MALRD1: variants seen among roughly 807,000 people sequenced by gnomAD.
The protein encoded by MALRD1 is MAM and LDL receptor class A domain containing 1.
Under a neutral mutation model 242.1 loss-of-function variants are expected in MALRD1, and 247 were observed. The observed-to-expected ratio is 1.02, with a 90% CI of 0.92 to 1.13. The LOEUF (loss-of-function observed/expected upper bound fraction) is 1.13. Ranked by LOEUF, MALRD1 falls within the 50% of genes most tolerant of loss-of-function variation. MALRD1 has a pLI of 0.00. For synonymous variants in MALRD1, 995 were observed against 866.6 expected, an observed-to-expected ratio of 1.15 and a Z score of -2.60; for missense variants, 2,989 against 2,533.1, an observed-to-expected ratio of 1.18 and a Z score of -3.86.
At chr10:19,424,716 G>A (rs891587146) in intron 28 of MALRD1, among the ~76,000 whole-genome samples, 1 of 152,096 alleles carries the variant, frequency 6.6e-6, no homozygotes, top group African/African-American at 2.4e-5. Context: ...ATTGTGTTTG[G>A]TGGTAAGAAA....
intron 4 of MALRD1, among the ~76,000 whole-genome samples, chr10:19,098,669 A>G (rs540210571): frequency 1.4e-4 from 21 of 152,144 alleles, no homozygotes; most frequent in South Asian, 4.1e-4. Context: ...TAATGTTTAT[A>G]CTCACTCTGA....
intron 29 of MALRD1, among the ~76,000 whole-genome samples, chr10:19,454,422 ATATATATAT>A (rs1564356585): frequency 4.3e-5 from 6 of 140,586 alleles, no homozygotes; most frequent in Non-Finnish European, 7.7e-5. Context: ...ATATATATAT[ATATATATAT>A]AATTATATGA....
At chr10:19,204,168 AAG>A in intron 15 of MALRD1, 138 bp from the exon 16 acceptor site, 1 of 674,190 alleles carries the variant, frequency 1.5e-6, no homozygotes, top group Non-Finnish European at 2.5e-6. Context: ...AAATTTGACT[AAG>A]AGTCACTGAT....
At chr10:19,271,419 T>C (rs1840234354) in intron 19 of MALRD1, among the ~76,000 whole-genome samples, 1 of 152,192 alleles carries the variant, frequency 6.6e-6, no homozygotes, top group East Asian at 1.9e-4. Context: ...TACCATTTTA[T>C]TTAAAAAGGA....
At chr10:19,552,519 G>T (rs1448842092) in intron 32 of MALRD1, among the ~76,000 whole-genome samples, 13 of 151,616 alleles carry the variant, frequency 8.6e-5, no homozygotes, top group Admixed American at 6.6e-4. Context: ...TTTTCAGAGT[G>T]CCAGCGCCTG....
In MALRD1 at chr10:19,123,518, T is replaced by C. The variant is rs557426888; in HGVS notation, c.721T>C (p.Leu241=). 1.5e-4 allele frequency: 188 copies of C among 1,233,764 alleles called. No individual in the cohort carries two copies. Among genetic ancestry groups the C allele is most frequent in the Non-Finnish European group, 1.8e-4 (178 of 988,004 alleles). The allele number at this position is 1,233,764 out of a possible 1,614,324, so 76.4% of individuals were successfully genotyped here. A position where few individuals can be genotyped will look rare whatever the true frequency, so the allele number is the denominator to read the frequency against. ...NDGILLCQEA[L]NAERELCHPD... ...TGGAATTTTACTGTGTCAAGAAGCA[T>C]TGAATGCTGAGCGGGAGCTATGCCA... Residue 241 remains leucine (L), a synonymous_variant, in exon 6 of 40, where the codon TTG becomes CTG. Transcript: ENST00000454679.
chr10:19,583,593 A>C (rs1475867434), intron 33 of MALRD1, among the ~76,000 whole-genome samples: 1 of 152,000 alleles, frequency 6.6e-6, no homozygotes, highest in African/African-American at 2.4e-5. Flanking sequence ...CATGGTGGAT[A>C]AGCTTTTCGA....
intron 28 of MALRD1, among the ~76,000 whole-genome samples, chr10:19,437,621 AT>A (rs1400808667): frequency 6.6e-6 from 1 of 151,714 alleles, no homozygotes; most frequent in Non-Finnish European, 1.5e-5. Context: ...CACAATATTC[AT>A]TTTTTGCATT....
intron 28 of MALRD1, among the ~76,000 whole-genome samples, chr10:19,399,340 G>A (rs1246577663): frequency 6.6e-6 from 1 of 152,054 alleles, no homozygotes; most frequent in Non-Finnish European, 1.5e-5. Context: ...TTTTTCTAGG[G>A]CATTGCTTGA....
chr10:19,652,792 G>A (rs1039444912), intron 36 of MALRD1, among the ~76,000 whole-genome samples: 1 of 152,118 alleles, frequency 6.6e-6, no homozygotes, highest in Non-Finnish European at 1.5e-5. Context: ...AGAAACTGAG[G>A]TTTACAGATT....
Position 19,352,443 on chromosome 10 carries a change from A to G in MALRD1, c.4441+146A>G, listed in dbSNP as rs1588953922. 5 of 862,268 alleles carry G rather than the reference A, an allele frequency of 5.8e-6. No individual in the cohort carries two copies. In the East Asian group the frequency reaches 1.1e-4, roughly 18 times the overall value. The allele number at this position is 862,268 out of a possible 1,614,324, so 53.4% of individuals were successfully genotyped here. A position where few individuals can be genotyped will look rare whatever the true frequency, so the allele number is the denominator to read the frequency against. ...ATAAGATCTTTTTAAACTCAAAAAA[A>G]TATTTCTCAAGCCTTTATTCATAAA... On this transcript the variant is annotated intron_variant, in intron 26 of 39. Coordinates refer to ENST00000454679, the MANE Select transcript of MALRD1 (RefSeq NM_001142308.3).
intron 34 of MALRD1, among the ~76,000 whole-genome samples, chr10:19,602,284 G>A (rs1161002357): frequency 1.4e-5 from 2 of 145,992 alleles, no homozygotes; most frequent in African/African-American, 5.1e-5. Context: ...CCATGCTGGT[G>A]TGCTGCACCC....
intron 28 of MALRD1, among the ~76,000 whole-genome samples, chr10:19,406,759 A>G (rs764599631): frequency 1.3e-5 from 2 of 152,218 alleles, no homozygotes; most frequent in Non-Finnish European, 2.9e-5. Context: ...CACATGGTGA[A>G]TGTTCAAATA....
At chr10:19,457,693 A>T (rs933183346) in intron 29 of MALRD1, among the ~76,000 whole-genome samples, 1 of 150,010 alleles carries the variant, frequency 6.7e-6, no homozygotes. Context: ...AACTAGGGAG[A>T]ACTGGGTTGG....
chr10:19,403,282 AT>A (rs1846949712), intron 28 of MALRD1, among the ~76,000 whole-genome samples: 1 of 152,166 alleles, frequency 6.6e-6, no homozygotes, highest in Non-Finnish European at 1.5e-5. Flanking sequence ...AATTACTATT[AT>A]TTTTATAAAT....
intron 31 of MALRD1, among the ~76,000 whole-genome samples, chr10:19,521,834 C>G (rs1250977821): frequency 6.6e-6 from 1 of 152,108 alleles, no homozygotes; most frequent in Admixed American, 6.5e-5. Flanking sequence ...TGTAAACTTG[C>G]CTTCCTTGCA....
At chr10:19,188,386 G>A (rs1835828967) in intron 14 of MALRD1, among the ~76,000 whole-genome samples, 1 of 152,104 alleles carries the variant, frequency 6.6e-6, no homozygotes, top group Admixed American at 6.6e-5. Flanking sequence ...CTTTTGATTG[G>A]ATGTTTTCAA....
chr10:19,646,449 C>CA (rs1395924850), intron 36 of MALRD1, among the ~76,000 whole-genome samples: 3 of 151,986 alleles, frequency 2.0e-5, no homozygotes, highest in Admixed American at 6.6e-5. Context: ...ACTAAAAATA[C>CA]AAAAAATTAG....
At chr10:19,552,836 A>G (rs1240760579) in intron 32 of MALRD1, among the ~76,000 whole-genome samples, 1 of 152,110 alleles carries the variant, frequency 6.6e-6, no homozygotes, top group Non-Finnish European at 1.5e-5. Context: ...CTCCTTCTCC[A>G]TGATGCTTCC....
Sources: gnomAD v4.1 joint callset for allele counts (sites outside exome capture counted in the v4.1 genomes callset) on GRCh38, gnomAD v4.1.1 for gene constraint, MANE v1.5 for transcripts, NCBI Gene and HGNC (gene_info 2026-07-23, HGNC 2026-07-21) for gene names.